Variants in XKR6 observed in about 807,000 individuals in gnomAD.
XKR6 encodes the protein XK related 6, also known as XK-related protein 6.
In XKR6, 22 loss-of-function variants were observed where a neutral mutation model predicts 56.7. The observed-to-expected ratio is 0.39, with a 90% CI of 0.28 to 0.55. The LOEUF is 0.55. XKR6 is among the 20% of genes least tolerant of loss of function. The pLI is 0.66. For synonymous variants in XKR6, 524 were observed against 387.8 expected, an observed-to-expected ratio of 1.35 and a Z score of -4.13; for missense variants, 852 against 889.0, an observed-to-expected ratio of 0.96 and a Z score of 0.53.
chr8:11,097,582 C>A (rs12544629), intron 1 of XKR6, among the ~76,000 whole-genome samples: 1 of 151,196 alleles, frequency 6.6e-6, no homozygotes, highest in African/African-American at 2.4e-5. Flanking sequence ...CCGGGGTGGG[C>A]GTATCAACCG....
chr8:11,148,806 G>A (rs1372218843), intron 1 of XKR6, among the ~76,000 whole-genome samples: 1 of 152,060 alleles, frequency 6.6e-6, no homozygotes, highest in Non-Finnish European at 1.5e-5. Context: ...TGGACAAACT[G>A]GTGTTTCCAT....
chr8:11,091,696 A>G (rs995689464), intron 1 of XKR6, among the ~76,000 whole-genome samples: 1 of 152,080 alleles, frequency 6.6e-6, no homozygotes, highest in African/African-American at 2.4e-5. Flanking sequence ...GGAGCAGGAC[A>G]TTTGGAAGCC....
intron 1 of XKR6, among the ~76,000 whole-genome samples, chr8:10,968,320 T>C (rs747343597): frequency 1.3e-5 from 2 of 152,196 alleles, no homozygotes; most frequent in Non-Finnish European, 2.9e-5. Context: ...TTTAAAAAAT[T>C]AGAGAACAGA....
chr8:11,045,048 T>C (rs535221268), intron 1 of XKR6, among the ~76,000 whole-genome samples: 1 of 151,254 alleles, frequency 6.6e-6, no homozygotes, highest in East Asian at 1.9e-4. Flanking sequence ...TTGCCCTTTG[T>C]GTTACCATTT....
intron 1 of XKR6, among the ~76,000 whole-genome samples, chr8:10,948,352 A>C (rs1309014988): frequency 6.6e-6 from 1 of 152,170 alleles, no homozygotes; most frequent in Non-Finnish European, 1.5e-5. Flanking sequence ...GATGCCCAGC[A>C]CCGCATCTGC....
chr8:11,018,493 T>C lies in XKR6; in HGVS notation c.765-93663A>G, dbSNP rs531457078. Among the ~76,000 whole-genome samples the C allele has an allele frequency of 9.9e-5, 15 of 152,202 alleles. No homozygotes were observed. In the South Asian group the frequency reaches 2.3e-3, roughly 23 times the overall value. ...TCCAGGCTAGCACTTCCCTCCATAA[T>C]ATGGGGGTCCCCAGGGAGAGGAGGA... On this transcript the variant is annotated intron_variant, in intron 1 of 2. Coordinates refer to ENST00000416569, the MANE Select transcript of XKR6 (RefSeq NM_173683.4).
At chr8:11,163,993 T>C (rs1801949741) in intron 1 of XKR6, among the ~76,000 whole-genome samples, 1 of 152,170 alleles carries the variant, frequency 6.6e-6, no homozygotes, top group African/African-American at 2.4e-5. Context: ...TTCAGACACA[T>C]GCTTCCAAAC....
chr8:11,132,653 C>T (rs1175302477), intron 1 of XKR6, among the ~76,000 whole-genome samples: 3 of 151,966 alleles, frequency 2.0e-5, no homozygotes, highest in Admixed American at 6.6e-5. Context: ...CGAGCCACCG[C>T]GTCTGGTCAA....
intron 2 of XKR6, among the ~76,000 whole-genome samples, chr8:10,918,821 G>A (rs1800634168): frequency 6.6e-6 from 1 of 152,096 alleles, no homozygotes; most frequent in African/African-American, 2.4e-5. Flanking sequence ...ACCACCCCCA[G>A]TAGCCCTATT....
At chr8:11,013,869 C>T (rs768094804) in intron 1 of XKR6, among the ~76,000 whole-genome samples, 1 of 152,228 alleles carries the variant, frequency 6.6e-6, no homozygotes, top group Non-Finnish European at 1.5e-5. Context: ...CACGGCCCTG[C>T]CTTCCAGCCC....
intron 1 of XKR6, among the ~76,000 whole-genome samples, chr8:11,048,563 G>A (rs531516778): frequency 9.9e-5 from 15 of 152,236 alleles, no homozygotes; most frequent in African/African-American, 1.7e-4. Context: ...TGAGTGCCTC[G>A]GCGAAACCTG....
chr8:11,132,153 G>T (rs1225716985), intron 1 of XKR6, among the ~76,000 whole-genome samples: 2 of 151,936 alleles, frequency 1.3e-5, no homozygotes, highest in African/African-American at 4.8e-5. Flanking sequence ...CAAGCTCCCA[G>T]GTATGCCAGG....
At chr8:11,026,010 G>A (rs1246818893) in intron 1 of XKR6, among the ~76,000 whole-genome samples, 1 of 152,180 alleles carries the variant, frequency 6.6e-6, no homozygotes, top group Non-Finnish European at 1.5e-5. Context: ...CTGATTACAT[G>A]TTTAAACAAT....
intron 1 of XKR6, among the ~76,000 whole-genome samples, chr8:11,078,911 C>T (rs917256085): frequency 6.6e-6 from 1 of 152,230 alleles, no homozygotes; most frequent in African/African-American, 2.4e-5. Flanking sequence ...TCAATTTCAG[C>T]CAACTTAGGC....
intron 1 of XKR6, among the ~76,000 whole-genome samples, chr8:11,003,686 A>T (rs1001618296): frequency 1.3e-5 from 2 of 152,206 alleles, no homozygotes; most frequent in Non-Finnish European, 2.9e-5. Context: ...AAACTGTAAG[A>T]ACTGGGATTC....
chr8:11,118,552 A>G (rs1190328110), intron 1 of XKR6, among the ~76,000 whole-genome samples: 1 of 152,178 alleles, frequency 6.6e-6, no homozygotes, highest in Non-Finnish European at 1.5e-5. Context: ...TGTATGTGTC[A>G]AGGCATTTAT....
At chr8:11,177,683 G>A (rs1802729264) in intron 1 of XKR6, among the ~76,000 whole-genome samples, 1 of 152,246 alleles carries the variant, frequency 6.6e-6, no homozygotes, top group African/African-American at 2.4e-5. Context: ...AGATGCTGAG[G>A]TTAGACGGCT....
chr8:11,024,643 C>A (rs1380616948), intron 1 of XKR6, among the ~76,000 whole-genome samples: 1 of 152,212 alleles, frequency 6.6e-6, no homozygotes, highest in Non-Finnish European at 1.5e-5. Flanking sequence ...GGCCGAATCA[C>A]CCTGACTATT....
At chr8:11,131,185 G>A (rs1800085352) in intron 1 of XKR6, among the ~76,000 whole-genome samples, 1 of 152,096 alleles carries the variant, frequency 6.6e-6, no homozygotes, top group Non-Finnish European at 1.5e-5. Context: ...TCATCTCAGT[G>A]AGCCTCTTTC....
Sources: gnomAD v4.1 joint callset for allele counts (sites outside exome capture counted in the v4.1 genomes callset) on GRCh38, gnomAD v4.1.1 for gene constraint, MANE v1.5 for transcripts, NCBI Gene and HGNC (gene_info 2026-07-23, HGNC 2026-07-21) for gene names.